Variants in TET2 observed in about 807,000 individuals in gnomAD.
TET2 encodes the protein tet methylcytosine dioxygenase 2.
TET2 carries 299 observed loss-of-function variants against 142.9 expected under a neutral mutation model. That is an observed-to-expected ratio of 2.09 (90% CI 1.90 to 2.30). The LOEUF is 2.30. Ranked by LOEUF, TET2 falls within the 30% of genes most tolerant of loss-of-function variation. The pLI is 0.00. For synonymous variants in TET2, 819 were observed against 849.0 expected, an observed-to-expected ratio of 0.96 and a Z score of 0.61; for missense variants, 2,418 against 2,378.0, an observed-to-expected ratio of 1.02 and a Z score of -0.35.
At chr4:105,244,593 T>C (rs868355679) in intron 6 of TET2, among the ~76,000 whole-genome samples, 1,229 of 75,698 alleles carry the variant, frequency 0.016, 69 homozygotes, top group African/African-American at 0.037. Context: ...AATGTTTTTT[T>C]TTTTTTTTTT....
At chr4:105,259,891 T>C (rs1326944741) in intron 7 of TET2, 122 bp downstream of exon 7, 3 of 870,122 alleles carry the variant, frequency 3.4e-6, no homozygotes, top group Admixed American at 3.5e-5. Context: ...TCCCAAACTG[T>C]AGATACACAC....
At chr4:105,240,876 G>T (rs1214201358) in intron 3 of TET2, 1 of 1,079,780 alleles carries the variant, frequency 9.3e-7, no homozygotes, top group Admixed American at 5.3e-5. Flanking sequence ...AGAAAAAGGG[G>T]TATCCTTGAC....
At chr4:105,211,999 A>G (rs1345359546) in intron 2 of TET2, among the ~76,000 whole-genome samples, 2 of 152,216 alleles carry the variant, frequency 1.3e-5, no homozygotes, top group South Asian at 2.1e-4. Flanking sequence ...CACCCTGCAT[A>G]TAACAGTATG....
rs1016301695 is a variant in TET2, at chr4:105,234,945, C to G, written c.1003C>G (p.Pro335Ala). 10 of 1,613,868 alleles carry G rather than the reference C, an allele frequency of 6.2e-6. No individual in the cohort carries two copies. The African/African-American group carries it at 6.7e-5, about 11-fold the overall frequency. Residue 335 changes from proline (P) to alanine (A), a missense_variant, in exon 3 of 11, where the codon CCT (proline) becomes GCT (alanine). By Grantham distance (27) the Pro-to-Ala change is conservative. Transcript: ENST00000380013. ...QKSVFEICPSPAENNIQGTTK... is the reference protein window; with the variant it reads ...QKSVFEICPSAAENNIQGTTK... ...ATCAGTTTTTGAGATATGCCCATCT[C>G]CTGCAGAAAATAACATCCAGGGAAC...
intron 1 of TET2, among the ~76,000 whole-genome samples, chr4:105,186,104 C>T (rs924739680): frequency 6.6e-6 from 1 of 152,036 alleles, no homozygotes; most frequent in African/African-American, 2.4e-5. Flanking sequence ...GTGGTACATG[C>T]CTGTAGTCCT....
intron 2 of TET2, among the ~76,000 whole-genome samples, chr4:105,216,101 A>C (rs1727476491): frequency 6.6e-6 from 1 of 152,188 alleles, no homozygotes; most frequent in Non-Finnish European, 1.5e-5. Flanking sequence ...GGTCTTTAGA[A>C]GACAATGTAA....
intron 1 of TET2, among the ~76,000 whole-genome samples, chr4:105,161,242 A>C (rs1054573615): frequency 3.3e-5 from 5 of 152,196 alleles, no homozygotes; most frequent in Non-Finnish European, 7.3e-5. Flanking sequence ...CTAAGGATAG[A>C]TATTTTTTCA....
intron 1 of TET2, among the ~76,000 whole-genome samples, chr4:105,175,274 A>G (rs1317415088): frequency 1.3e-5 from 2 of 152,210 alleles, no homozygotes; most frequent in African/African-American, 2.4e-5. Flanking sequence ...CATTGGAATT[A>G]TCAGACCAGA....
chr4:105,199,387 A>G (rs1388943014), intron 2 of TET2, among the ~76,000 whole-genome samples: 2 of 152,208 alleles, frequency 1.3e-5, no homozygotes, highest in Non-Finnish European at 2.9e-5. Flanking sequence ...TGATGAATGA[A>G]TCTCTACTAT....
At chr4:105,247,666 C>A (rs1332670985) in intron 6 of TET2, among the ~76,000 whole-genome samples, 4 of 151,388 alleles carry the variant, frequency 2.6e-5, no homozygotes, top group South Asian at 2.1e-4. Context: ...ATTCCTCTAT[C>A]CCCAGTATCT....
At chr4:105,250,380 ATTTTTTTTTTTTTTTTT>A (rs59695275) in intron 6 of TET2, among the ~76,000 whole-genome samples, 5 of 60,276 alleles carry the variant, frequency 8.3e-5, no homozygotes, top group South Asian at 1.6e-3. Context: ...TCCTTTCTGG[ATTTTTTTTTTTTTTTTT>A]TTTTTTTTTT....
At position 105,272,604 on chromosome 4, in the gene TET2, G is replaced by A. The variant is rs1261841950; in HGVS notation, c.4223G>A (p.Gly1408Glu). ...LTREDNREFG[G>E]KPEDEQLHVL... ...AGAGAAGACAATCGAGAATTTGGAGGAAAACCTGAGGATGAGCAGCTTCAC... is the reference window on the plus strand; with the variant it reads ...AGAGAAGACAATCGAGAATTTGGAGAAAAACCTGAGGATGAGCAGCTTCAC... Residue 1408 changes from glycine (G) to glutamate (E), a missense_variant, in exon 10 of 11, where the codon GGA (glycine) becomes GAA (glutamate). Transcript: ENST00000380013. The A allele has an allele frequency of 1.3e-6, 2 of 1,547,708 alleles. No homozygotes were observed. The highest frequency in any genetic ancestry group is 2.7e-5 in the African/African-American group (2 of 72,762).
rs1578674703 is a variant in TET2 at position 105,235,698 on chromosome 4, C to T, written c.1756C>T (p.Leu586=). The change falls in exon 3 of 11, where the codon CTG becomes TTG. Residue 586 remains leucine (L), a synonymous_variant. Coordinates refer to ENST00000380013, the MANE Select transcript of TET2 (RefSeq NM_001127208.3). ...CCATCTAAAACGTAATGAGGCATCA[C>T]TGCCATCAATTCTTCAGTATCAACC... ...ESHLKRNEAS[L]PSILQYQPNL... 3 of 1,614,200 alleles carry T rather than the reference C, an allele frequency of 1.9e-6. No homozygotes were observed. The highest frequency in any genetic ancestry group is 2.2e-5 in the East Asian group (1 of 44,878).
At chr4:105,274,830 A>ATT (rs144107843) in intron 10 of TET2, among the ~76,000 whole-genome samples, 1 of 149,740 alleles carries the variant, frequency 6.7e-6, no homozygotes, top group African/African-American at 2.5e-5. Context: ...TGTTTATTAC[A>ATT]TTTTTTTTTT....
chr4:105,241,056 CTGTATTCTT>C, intron 3 of TET2: 1 of 1,063,950 alleles, frequency 9.4e-7, no homozygotes, highest in Non-Finnish European at 1.2e-6. Context: ...AATTCCCTCA[CTGTATTCTT>C]TGTTTAGTTT....
chr4:105,255,887 T>C (rs193080526), intron 6 of TET2, among the ~76,000 whole-genome samples: 83 of 147,562 alleles, frequency 5.6e-4, no homozygotes, highest in Middle Eastern at 7.0e-3. Context: ...TCTAGTGTAC[T>C]GTTTTAATTC....
rs1292490124 is a variant in TET2 at position 105,209,069 on chromosome 4, A to G, written c.-47+18564A>G. On this transcript the variant is annotated intron_variant, in intron 2 of 10. Coordinates refer to ENST00000380013, the MANE Select transcript of TET2 (RefSeq NM_001127208.3). ...GCATGGTATATATATATATATATAT[A>G]TATATATATATATATATATATATAT... Among the ~76,000 whole-genome samples the G allele has an allele frequency of 5.3e-4, 48 of 89,940 alleles. 2 individuals carry two copies. Among genetic ancestry groups the G allele is most frequent in the African/African-American group, 2.4e-3 (32 of 13,588 alleles). The allele number at this position is 89,940 out of a possible 152,430, so 59.0% of individuals were successfully genotyped here. A position where few individuals can be genotyped will look rare whatever the true frequency, so the allele number is the denominator to read the frequency against.
Position 105,275,386 on chromosome 4 carries a change from A to AC in TET2, c.4879dup (p.Gln1627ProfsTer34). The AC allele has an allele frequency of 6.4e-7, 1 of 1,551,650 alleles. No individual in the cohort carries two copies. Among genetic ancestry groups the AC allele is most frequent in the Non-Finnish European group, 8.7e-7 (1 of 1,146,976 alleles). ...TTACCCTGGGCTTTTGAATCAGAAT[A>AC]CCCAATATCCATCATATCAATGCAA... On this transcript the variant is annotated frameshift_variant, in exon 11 of 11. Coordinates refer to ENST00000380013, the MANE Select transcript of TET2 (RefSeq NM_001127208.3). LOFTEE classifies it low-confidence loss of function (END_TRUNC).
At chr4:105,179,535 C>G (rs551065674) in intron 1 of TET2, among the ~76,000 whole-genome samples, 2 of 152,256 alleles carry the variant, frequency 1.3e-5, no homozygotes, top group South Asian at 4.1e-4. Context: ...GATAAAAAAT[C>G]TTGTTTCATT....
Sources: gnomAD v4.1 joint callset for allele counts (sites outside exome capture counted in the v4.1 genomes callset) on GRCh38, gnomAD v4.1.1 for gene constraint, MANE v1.5 for transcripts, NCBI Gene and HGNC (gene_info 2026-07-23, HGNC 2026-07-21) for gene names.